MPP7: variants seen among roughly 807,000 people sequenced by gnomAD.
The protein encoded by MPP7 is MAGUK p55 scaffold protein 7, also known as MAGUK p55 subfamily member 7.
Under a neutral mutation model 76.5 loss-of-function variants are expected in MPP7, and 60 were observed. That is an observed-to-expected ratio of 0.78 (90% CI 0.64 to 0.97). The LOEUF is 0.97. MPP7 is among the 50% of genes least tolerant of loss of function. The pLI is 0.00. For missense variants in MPP7, 641 were observed against 694.0 expected (o/e 0.92, Z 0.86); for synonymous variants, 237 against 244.5 (o/e 0.97, Z 0.29).
chr10:28,180,155 C>G (rs1162831166), intron 3 of MPP7, among the ~76,000 whole-genome samples: 1 of 151,998 alleles, frequency 6.6e-6, no homozygotes, highest in Non-Finnish European at 1.5e-5. Flanking sequence ...GCTTGCTAAG[C>G]AAAAATAATT....
chr10:28,271,450 T>A lies in MPP7; in HGVS notation c.-132+31411A>T, dbSNP rs1461698444. ...CATAAAGACACTGTTCTCTTGCTAA[T>A]CTGGCTTGATGCAGGAGCATAATTT... On this transcript the variant is annotated intron_variant, in intron 1 of 16. Coordinates refer to ENST00000683449, the MANE Select transcript of MPP7 (RefSeq NM_001318170.2). Among the ~76,000 whole-genome samples the A allele has an allele frequency of 2.0e-5, 3 of 152,338 alleles. No homozygotes were observed. The East Asian group carries it at 5.8e-4, about 29-fold the overall frequency.
At chr10:28,248,954 A>G (rs1839524850) in intron 1 of MPP7, among the ~76,000 whole-genome samples, 1 of 152,160 alleles carries the variant, frequency 6.6e-6, no homozygotes, top group African/African-American at 2.4e-5. Context: ...TAAGCAACGT[A>G]TGACTTACAG....
At chr10:28,068,203 C>CA (rs752883666) in intron 13 of MPP7, among the ~76,000 whole-genome samples, 9 of 151,000 alleles carry the variant, frequency 6.0e-5, no homozygotes, top group African/African-American at 1.5e-4. Flanking sequence ...TAATTACAGG[C>CA]AAAAAAAATG....
At chr10:28,326,814 C>T (rs544379404) in intron 2 of MPP7, among the ~76,000 whole-genome samples, 26 of 152,166 alleles carry the variant, frequency 1.7e-4, no homozygotes, top group Non-Finnish European at 3.5e-4. Flanking sequence ...AGTCGGTTCA[C>T]CAGAGAGTTT....
intron 2 of MPP7, among the ~76,000 whole-genome samples, chr10:28,211,194 G>A (rs1838122605): frequency 6.6e-6 from 1 of 151,958 alleles, no homozygotes; most frequent in South Asian, 2.1e-4. Flanking sequence ...GAACCCCTGG[G>A]CTCAAAGGAC....
intron 1 of MPP7, among the ~76,000 whole-genome samples, chr10:28,300,625 G>C (rs1841132191): frequency 6.6e-6 from 1 of 152,050 alleles, no homozygotes; most frequent in African/African-American, 2.4e-5. Flanking sequence ...AGAGGTATTA[G>C]CCACAAAACA....
chr10:28,215,943 G>A (rs752136465), intron 2 of MPP7, among the ~76,000 whole-genome samples: 4 of 152,232 alleles, frequency 2.6e-5, no homozygotes, highest in Middle Eastern at 6.8e-3. Flanking sequence ...AGTTTATCCT[G>A]CTGGATGCAT....
At chr10:28,116,822 A>G (rs2133590555) in intron 11 of MPP7, among the ~76,000 whole-genome samples, 1 of 152,234 alleles carries the variant, frequency 6.6e-6, no homozygotes, top group Middle Eastern at 3.4e-3. Context: ...TAGATACACA[A>G]AGATTCTTTA....
chr10:28,271,253 A>C (rs1040856962), intron 1 of MPP7, among the ~76,000 whole-genome samples: 1 of 152,242 alleles, frequency 6.6e-6, no homozygotes, highest in African/African-American at 2.4e-5. Flanking sequence ...GACAACAGTC[A>C]CATCTCTGAA....
intron 1 of MPP7, among the ~76,000 whole-genome samples, chr10:28,263,830 C>T (rs1453088777): frequency 6.6e-6 from 1 of 152,136 alleles, no homozygotes; most frequent in Non-Finnish European, 1.5e-5. Context: ...ATTTCCAAGA[C>T]ACAGGAATAG....
At chr10:28,188,689 G>T (rs1588900617) in intron 3 of MPP7, among the ~76,000 whole-genome samples, 2 of 152,162 alleles carry the variant, frequency 1.3e-5, no homozygotes, top group South Asian at 4.1e-4. Context: ...ACTACTGCTA[G>T]AGAGCAAACA....
At chr10:28,141,575 G>A (rs1262266909) in intron 5 of MPP7, among the ~76,000 whole-genome samples, 2 of 151,972 alleles carry the variant, frequency 1.3e-5, no homozygotes, top group East Asian at 3.9e-4. Context: ...ATACCATGGG[G>A]GAAAATTAAT....
At chr10:28,139,588 T>C (rs1835448647) in intron 5 of MPP7, among the ~76,000 whole-genome samples, 2 of 152,178 alleles carry the variant, frequency 1.3e-5, no homozygotes, top group Non-Finnish European at 2.9e-5. Flanking sequence ...ATACAAGTTT[T>C]TGAGCTTTAA....
At chr10:28,165,520 T>C (rs1472134279) in intron 3 of MPP7, among the ~76,000 whole-genome samples, 7 of 129,788 alleles carry the variant, frequency 5.4e-5, no homozygotes, top group Admixed American at 5.1e-4. Flanking sequence ...AGTGAGACCT[T>C]GTCTCTAAGA....
rs1013604196 is a variant in MPP7 at position 28,055,382 on chromosome 10, C to A, written c.1551+1098G>T. 5.3e-5 allele frequency among the ~76,000 whole-genome samples: 8 copies of A among 152,120 alleles called. No homozygotes were observed. The East Asian group carries it at 1.5e-3, about 29-fold the overall frequency. ...CAGAAATGTGATCTGTATTTTGTAA[C>A]CACAATGAACAGTTCATAAATTAAT... On this transcript the variant is annotated intron_variant, in intron 16 of 16. Coordinates refer to ENST00000683449, the MANE Select transcript of MPP7 (RefSeq NM_001318170.2).
At chr10:28,248,951 C>T (rs12573455) in intron 1 of MPP7, among the ~76,000 whole-genome samples, 2 of 152,210 alleles carry the variant, frequency 1.3e-5, no homozygotes, top group East Asian at 1.9e-4. Context: ...CGTTAAGCAA[C>T]GTATGACTTA....
chr10:28,211,507 A>G (rs1838137477), intron 2 of MPP7, among the ~76,000 whole-genome samples: 1 of 152,076 alleles, frequency 6.6e-6, no homozygotes, highest in Admixed American at 6.6e-5. Flanking sequence ...CATGTTTTCT[A>G]TCAGAATATT....
chr10:28,157,381 G>T, intron 3 of MPP7, among the ~76,000 whole-genome samples: 1 of 152,132 alleles, frequency 6.6e-6, no homozygotes, highest in East Asian at 1.9e-4. Context: ...TAATAAGGAA[G>T]CTCACATAAT....
intron 2 of MPP7, among the ~76,000 whole-genome samples, chr10:28,316,203 G>A (rs918287331): frequency 6.6e-6 from 1 of 152,032 alleles, no homozygotes; most frequent in East Asian, 1.9e-4. Context: ...TTGGGAGGAC[G>A]AGGCAGGTAG....
Sources: allele counts gnomAD v4.1 joint callset (sites outside exome capture counted in the v4.1 genomes callset), GRCh38; gene constraint gnomAD v4.1.1; transcripts MANE v1.5; gene names NCBI Gene and HGNC (gene_info 2026-07-23, HGNC 2026-07-21).